DENND6B: variants seen among roughly 807,000 people sequenced by gnomAD.
The protein encoded by DENND6B is protein DENND6B.
DENND6B carries 73 observed loss-of-function variants against 85.1 expected under a neutral mutation model. That is an observed-to-expected ratio of 0.86 (90% CI 0.71 to 1.04). The LOEUF is 1.04. DENND6B is among the 50% of genes least tolerant of loss of function. DENND6B has a pLI of 0.00. For missense variants in DENND6B, 715 were observed against 785.8 expected, an observed-to-expected ratio of 0.91 and a Z score of 1.08; for synonymous variants, 357 against 329.3, an observed-to-expected ratio of 1.08 and a Z score of -0.91.
chr22:50,326,712 G>C (rs2042198603), intron 1 of DENND6B, 100 bp downstream of exon 1: 1 of 1,103,494 alleles, frequency 9.1e-7, no homozygotes, highest in East Asian at 3.4e-5. Context: ...CCGAAGGCCA[G>C]GGAGAGTGCG....
intron 6 of DENND6B, 47 bp downstream of exon 6, chr22:50,316,323 C>T: frequency 6.4e-7 from 1 of 1,562,408 alleles, no homozygotes; most frequent in South Asian, 1.2e-5. Context: ...CCAGGGGCCA[C>T]AGCTGGGATG....
intron 1 of DENND6B, chr22:50,319,592 C>T (rs2041977978): frequency 4.4e-6 from 4 of 904,310 alleles, no homozygotes; most frequent in Non-Finnish European, 4.0e-6. Flanking sequence ...CCTCACCACC[C>T]GCCAAGCCAG....
intron 12 of DENND6B, 56 bp from the exon 13 acceptor site, chr22:50,314,328 C>T (rs373078551): frequency 2.0e-5 from 32 of 1,592,348 alleles, no homozygotes; most frequent in African/African-American, 8.0e-5. Context: ...GCCATCCCCA[C>T]GGGCTCTGAG....
At position 50,313,144 on chromosome 22, in the gene DENND6B, C is replaced by T. The variant is rs542930160; in HGVS notation, c.1348-36G>A. The T allele has an allele frequency of 2.1e-5, 33 of 1,537,306 alleles. No homozygotes were observed. The Admixed American group carries it at 2.4e-4, about 11-fold the overall frequency. On this transcript the variant is annotated intron_variant, in intron 16 of 19. Coordinates refer to ENST00000413817, the MANE Select transcript of DENND6B (RefSeq NM_001001794.4). Reference sequence around the variant, plus strand: ...ATGGGTGAGCCAGCACGTGGGAACTCGGCCTCACAGGCCTGCACCCGGTAC... The same window carrying T: ...ATGGGTGAGCCAGCACGTGGGAACTTGGCCTCACAGGCCTGCACCCGGTAC...
At position 50,313,028 on chromosome 22, in the gene DENND6B, G is replaced by C. The variant is rs1173425250; in HGVS notation, c.1428C>G (p.Ile476Met). 1 of 1,562,160 alleles carries C rather than the reference G, an allele frequency of 6.4e-7. No homozygotes were observed. Among genetic ancestry groups the C allele is most frequent in the Non-Finnish European group, 8.7e-7 (1 of 1,153,962 alleles). Reference sequence around the variant, plus strand: ...AGAGACCCAGCCAGTCGCCCTTGAGGATGCAGGTGAGCTGGGGCCCAGCAT... The same window carrying C: ...AGAGACCCAGCCAGTCGCCCTTGAGCATGCAGGTGAGCTGGGGCCCAGCAT... ...LEHAGPQLTC[I>M]LKGDWLGLYR... Residue 476 changes from isoleucine (I) to methionine (M), a missense_variant, in exon 17 of 20, where the codon ATC becomes ATG. Coordinates refer to ENST00000413817, the MANE Select transcript of DENND6B (RefSeq NM_001001794.4).
chr22:50,312,464 C>T (rs764551395), intron 18 of DENND6B, 47 bp from the exon 19 acceptor site: 8 of 1,588,666 alleles, frequency 5.0e-6, no homozygotes, highest in Non-Finnish European at 6.8e-6. Context: ...CCTCACTGCC[C>T]TGGGCCTGTG....
intron 3 of DENND6B, among the ~76,000 whole-genome samples, chr22:50,318,280 T>G (rs549620292): frequency 6.6e-6 from 1 of 151,918 alleles, no homozygotes; most frequent in Admixed American, 6.6e-5. Flanking sequence ...GGGGCGGAGG[T>G]TGCAGTGAGC....
Position 50,316,427 on chromosome 22 carries a change from G to A in DENND6B, c.502C>T (p.Leu168=), listed in dbSNP as rs1337095536. 6.3e-7 allele frequency: 1 copy of A among 1,589,874 alleles called. No individual in the cohort carries two copies. The highest frequency in any genetic ancestry group is 8.5e-7 in the Non-Finnish European group (1 of 1,169,712). Residue 168 remains leucine (L), a synonymous_variant, in exon 6 of 20, where the codon CTG becomes TTG. Coordinates refer to ENST00000413817, the MANE Select transcript of DENND6B (RefSeq NM_001001794.4). ...TACTCGGGGGCGATGAGGCTTAGCA[G>A]CGCTTGGAACAGCCGGACAAAGGGC... The part of the protein sequence containing the change: ...RLPFVRLFQA[L]LSLIAPEYFD...
chr22:50,321,324 G>T (rs952644050), intron 1 of DENND6B, among the ~76,000 whole-genome samples: 1 of 152,182 alleles, frequency 6.6e-6, no homozygotes, highest in Admixed American at 6.5e-5. Context: ...GTGCTGATGA[G>T]AATCCAGCTG....
rs1180788258 is a variant in DENND6B at position 50,313,471 on chromosome 22, A to T, written c.1322T>A (p.Leu441Gln). 1 of 1,550,132 alleles carries T rather than the reference A, an allele frequency of 6.5e-7. No homozygotes were observed. Among genetic ancestry groups the T allele is most frequent in the Non-Finnish European group, 8.7e-7 (1 of 1,148,282 alleles). The change falls in exon 16 of 20, where the codon CTG (leucine) becomes CAG (glutamine). Residue 441 changes from leucine to glutamine, a missense_variant. By Grantham distance (113) the Leu-to-Gln change is moderately radical. Coordinates refer to ENST00000413817, the MANE Select transcript of DENND6B (RefSeq NM_001001794.4). ...LEHYMASLMP[L>Q]QKSITPWKTP... is the part of the protein sequence containing the mutation. ...CTTCCAGGGCGTGATGCTCTTCTGC[A>T]GGGGCATGAGGCTGGCCATGTAGTG...
chr22:50,313,027 G>C lies in DENND6B; in HGVS notation c.1429C>G (p.Leu477Val), dbSNP rs752840146. ...TAGAGACCCAGCCAGTCGCCCTTGA[G>C]GATGCAGGTGAGCTGGGGCCCAGCA... Reference protein sequence around the residue: ...EHAGPQLTCILKGDWLGLYRR... With the variant: ...EHAGPQLTCIVKGDWLGLYRR... The change falls in exon 17 of 20, where the codon CTC (leucine) becomes GTC (valine). Residue 477 changes from leucine to valine, a missense_variant. Leu to Val is a conservative substitution (Grantham distance 32, BLOSUM62 1). Coordinates refer to ENST00000413817, the MANE Select transcript of DENND6B (RefSeq NM_001001794.4). The C allele has an allele frequency of 6.4e-7, 1 of 1,562,050 alleles. No homozygotes were observed. Among genetic ancestry groups the C allele is most frequent in the South Asian group, 1.2e-5 (1 of 84,670 alleles).
chr22:50,323,870 C>T (rs118067161), intron 1 of DENND6B, among the ~76,000 whole-genome samples: 3,183 of 152,004 alleles, frequency 0.021, 58 homozygotes, highest in Admixed American at 0.032. Flanking sequence ...GTAGCTATAA[C>T]TACAGGTGCA....
chr22:50,313,169 C>T (rs564630730), intron 16 of DENND6B, 61 bp from the exon 17 acceptor site: 216 of 1,461,952 alleles, frequency 1.5e-4, no homozygotes, highest in South Asian at 3.3e-4. Context: ...GCACCCGGTA[C>T]GCTTCCCAGA....
At chr22:50,326,780 A>T in intron 1 of DENND6B, 32 bp downstream of exon 1, 1 of 1,265,616 alleles carries the variant, frequency 7.9e-7, no homozygotes, top group Non-Finnish European at 1.0e-6. Flanking sequence ...AGCCCTGCCC[A>T]CCCGCCCGCG....
At chr22:50,315,680 T>C in intron 9 of DENND6B, 34 bp downstream of exon 9, 1 of 1,556,956 alleles carries the variant, frequency 6.4e-7, no homozygotes. Flanking sequence ...AGTGAGCTCC[T>C]CAAAAGCAGT....
chr22:50,326,577 T>C (rs553104217), intron 1 of DENND6B, among the ~76,000 whole-genome samples: 52 of 152,162 alleles, frequency 3.4e-4, no homozygotes, highest in Admixed American at 1.0e-3. Context: ...GAGTACCACT[T>C]AGGTTATGCA....
chr22:50,325,817 G>A lies in DENND6B; in HGVS notation c.177+995C>T, dbSNP rs148824815. ...TGTGTGGTGGGAGGGGCTCCAGAGA[G>A]TGCTAGAGTTAATGCTTTTCTGTTT... On this transcript the variant is annotated intron_variant, in intron 1 of 19. Transcript: ENST00000413817. Among the ~76,000 whole-genome samples the A allele has an allele frequency of 1.8e-4, 27 of 152,314 alleles. No individual in the cohort carries two copies. In the East Asian group the frequency reaches 5.2e-3, roughly 29 times the overall value.
Position 50,312,244 on chromosome 22 carries a change from G to A in DENND6B, c.1653C>T (p.His551=). 1 of 1,612,244 alleles carries A rather than the reference G, an allele frequency of 6.2e-7. No homozygotes were observed. Among genetic ancestry groups the A allele is most frequent in the South Asian group, 1.1e-5 (1 of 90,994 alleles). Residue 551 remains histidine (H), a synonymous_variant, in exon 20 of 20, where the codon CAC becomes CAT. Transcript: ENST00000413817. ...GCGTAGCCTCCTTCACAGGGAGCTG[G>A]TGGCCCTGAGCCCGCACCTGGAGGG... ...LREKLVRAQG[H]QLPVKEATLQ... is the part of the protein sequence containing the mutation.
At position 50,313,000 on chromosome 22, in the gene DENND6B, T is replaced by C; in HGVS notation, c.1456A>G (p.Arg486Gly). 4.5e-6 allele frequency: 7 copies of C among 1,555,356 alleles called. No homozygotes were observed. Among genetic ancestry groups the C allele is most frequent in the Middle Eastern group, 1.7e-4 (1 of 5,882 alleles). ...TGCCTGCACCTGCAGTCCACGCACC[T>C]GTAGAGACCCAGCCAGTCGCCCTTG... is the stretch of plus-strand genomic sequence containing the variant. ...ILKGDWLGLY[R>G]RFFKSPHFDG... Residue 486 changes from arginine to glycine, a missense_variant and splice_region_variant, in exon 17 of 20, where the codon AGG (arginine) becomes GGG (glycine). Arg to Gly is a moderately radical substitution (Grantham distance 125). Coordinates refer to ENST00000413817, the MANE Select transcript of DENND6B (RefSeq NM_001001794.4).
Sources: gnomAD v4.1 joint callset for allele counts (sites outside exome capture counted in the v4.1 genomes callset) on GRCh38, gnomAD v4.1.1 for gene constraint, MANE v1.5 for transcripts, NCBI Gene and HGNC (gene_info 2026-07-23, HGNC 2026-07-21) for gene names.